Variants in SHMT1 observed in about 807,000 individuals in gnomAD.
SHMT1 encodes the protein serine hydroxymethyltransferase 1, also known as serine hydroxymethyltransferase, cytosolic.
A neutral mutation model predicts 49.0 loss-of-function variants in SHMT1; 45 were observed. That is an observed-to-expected ratio of 0.92 (90% confidence interval 0.72 to 1.18). The LOEUF is 1.18. SHMT1 is among the 50% of genes most tolerant of loss of function. The pLI is 0.00. For missense variants in SHMT1, 541 were observed against 612.4 expected (o/e 0.88, Z 1.23); for synonymous variants, 232 against 246.6 (o/e 0.94, Z 0.55).
At chr17:18,358,431 A>C (rs970380801) in intron 1 of SHMT1, among the ~76,000 whole-genome samples, 1 of 151,168 alleles carries the variant, frequency 6.6e-6, no homozygotes, top group Non-Finnish European at 1.5e-5. Context: ...CAGAGGTTGC[A>C]GTGAGCCAAG....
Position 18,340,298 on chromosome 17 carries a change from C to T in SHMT1, c.602-43G>A, listed in dbSNP as rs1340736634. 11 of 1,600,894 alleles carry T rather than the reference C, an allele frequency of 6.9e-6. No individual in the cohort carries two copies. The highest frequency in any genetic ancestry group is 1.1e-5 in the South Asian group (1 of 90,820). Reference sequence around the variant, plus strand: ...ACACAGCTGCATCAGAGATGTCCACCGGCCAGCTGAGTTGGCTTCACAGTG... The same window carrying T: ...ACACAGCTGCATCAGAGATGTCCACTGGCCAGCTGAGTTGGCTTCACAGTG... On this transcript the variant is annotated intron_variant, in intron 6 of 11. Transcript: ENST00000316694. The surrounding 1 kb of genome is among the most constrained non-coding windows in gnomAD (Gnocchi z 4.5).
rs576748652 is a variant in SHMT1 at position 18,340,654 on chromosome 17, C to G, written c.601+78G>C. ...AACTAGCAGTGGGCTCAACAGGGTGCGAACATCTTTCCATCCTCATTCTGT... is the reference window on the plus strand; with the variant it reads ...AACTAGCAGTGGGCTCAACAGGGTGGGAACATCTTTCCATCCTCATTCTGT... On this transcript the variant is annotated intron_variant, in intron 6 of 11. Coordinates refer to ENST00000316694, the MANE Select transcript of SHMT1 (RefSeq NM_004169.5). This position sits in a 1 kb window ranked among gnomAD's most constrained non-coding sequence, Gnocchi z 4.5. 14 of 1,307,612 alleles carry G rather than the reference C, an allele frequency of 1.1e-5. No homozygotes were observed. In the East Asian group the frequency reaches 2.7e-4, roughly 26 times the overall value. The allele number at this position is 1,307,612 out of a possible 1,614,324, so 81.0% of individuals were successfully genotyped here. A position where few individuals can be genotyped will look rare whatever the true frequency, so the allele number is the denominator to read the frequency against.
intron 5 of SHMT1, 41 bp downstream of exon 5, chr17:18,347,455 T>G: frequency 6.2e-7 from 1 of 1,609,924 alleles, no homozygotes; most frequent in Non-Finnish European, 8.5e-7. Flanking sequence ...CATCAGAGGT[T>G]TCCCAAGGAA....
At chr17:18,333,328 A>G (rs1303312896) in intron 8 of SHMT1, 40 bp from the exon 9 acceptor site, 1 of 1,605,088 alleles carries the variant, frequency 6.2e-7, no homozygotes, top group East Asian at 2.2e-5. Flanking sequence ...GCTAGGATAG[A>G]ATCATACACA....
intron 3 of SHMT1, 83 bp from the exon 4 acceptor site, chr17:18,348,523 G>T: frequency 2.1e-6 from 2 of 973,886 alleles, no homozygotes; most frequent in Non-Finnish European, 3.3e-6. Context: ...CTTAGGGGTG[G>T]GACAGTGAAA....
intron 5 of SHMT1, among the ~76,000 whole-genome samples, chr17:18,344,127 G>A (rs894059130): frequency 2.6e-5 from 4 of 152,026 alleles, no homozygotes; most frequent in Non-Finnish European, 5.9e-5. Flanking sequence ...CATCTGGAGT[G>A]AAAGGTTTCA....
chr17:18,347,385 G>C, intron 5 of SHMT1, 111 bp downstream of exon 5: 1 of 1,221,002 alleles, frequency 8.2e-7, no homozygotes, highest in South Asian at 1.2e-5. Context: ...AAAACGGTGC[G>C]AGGTGGGGAC....
chr17:18,330,521 G>C, intron 10 of SHMT1, 34 bp downstream of exon 10: 1 of 1,385,704 alleles, frequency 7.2e-7, no homozygotes, highest in Non-Finnish European at 1.0e-6. Flanking sequence ...GCAGATGGGA[G>C]AGGAGTGAAG....
chr17:18,351,000 T>C (rs2151596157), intron 3 of SHMT1, among the ~76,000 whole-genome samples: 1 of 152,294 alleles, frequency 6.6e-6, no homozygotes, highest in Non-Finnish European at 1.5e-5. Context: ...CCCGAAGTGC[T>C]GGGATTACAG....
chr17:18,357,126 A>G (rs1986309573), intron 1 of SHMT1, among the ~76,000 whole-genome samples: 1 of 151,840 alleles, frequency 6.6e-6, no homozygotes, highest in East Asian at 1.9e-4. Flanking sequence ...CTAAAAATAC[A>G]AAAAATGAGC....
At chr17:18,341,369 G>A (rs9905667) in intron 5 of SHMT1, 2,814 of 169,432 alleles carry the variant, frequency 0.017, 79 homozygotes, top group African/African-American at 0.059. Flanking sequence ...GGCTGGGCGC[G>A]GTGGCTCACA....
At chr17:18,329,019 G>C (rs1231196131) in intron 11 of SHMT1, 100 bp from the exon 12 acceptor site, 9 of 1,479,160 alleles carry the variant, frequency 6.1e-6, no homozygotes, top group African/African-American at 1.4e-5. Context: ...CCCCAGCTGG[G>C]GAGTGTGGCA....
At chr17:18,341,100 C>T (rs528604902) in intron 5 of SHMT1, 24 of 467,842 alleles carry the variant, frequency 5.1e-5, no homozygotes, top group South Asian at 3.0e-4. Flanking sequence ...ACAAATGTGA[C>T]GGGACCACAC....
At chr17:18,347,972 C>CA (rs1326130445) in intron 4 of SHMT1, among the ~76,000 whole-genome samples, 1 of 147,380 alleles carries the variant, frequency 6.8e-6, no homozygotes, top group East Asian at 2.0e-4. Flanking sequence ...GGCTGGAATG[C>CA]AATGGCGCCA....
intron 3 of SHMT1, among the ~76,000 whole-genome samples, chr17:18,349,129 T>G (rs939334604): frequency 5.3e-5 from 8 of 151,936 alleles, no homozygotes; most frequent in African/African-American, 1.7e-4. Flanking sequence ...CCTAAAGTAG[T>G]CAAGCTTAGG....
At chr17:18,334,025 G>A (rs139376285) in intron 8 of SHMT1, among the ~76,000 whole-genome samples, 2,704 of 152,080 alleles carry the variant, frequency 0.018, 47 homozygotes, top group Non-Finnish European at 0.021. Flanking sequence ...TGCAACCTCC[G>A]CCTCCCGGGT....
chr17:18,329,430 C>A (rs1157994259), intron 10 of SHMT1, 42 bp from the exon 11 acceptor site: 2 of 1,438,936 alleles, frequency 1.4e-6, no homozygotes, highest in Non-Finnish European at 9.7e-7. Flanking sequence ...CACATTGTCA[C>A]CACTGTGATG....
intron 4 of SHMT1, 106 bp from the exon 5 acceptor site, chr17:18,347,762 C>A (rs773047302): frequency 8.9e-6 from 11 of 1,235,598 alleles, no homozygotes; most frequent in Non-Finnish European, 1.2e-5. Flanking sequence ...CGAGAACAGG[C>A]CTTGTACCTT....
At chr17:18,332,720 C>T (rs1241341110) in intron 9 of SHMT1, 1 of 296,198 alleles carries the variant, frequency 3.4e-6, no homozygotes, top group Non-Finnish European at 6.8e-6. Context: ...AAGCCAACTC[C>T]CCAGGAATAT....
Sources: allele counts gnomAD v4.1 joint callset (sites outside exome capture counted in the v4.1 genomes callset), GRCh38; gene constraint gnomAD v4.1.1; non-coding constraint Gnocchi (gnomAD v3.1); transcripts MANE v1.5; gene names NCBI Gene and HGNC (gene_info 2026-07-23, HGNC 2026-07-21).